Variants in CFAP20DC observed in about 807,000 individuals in gnomAD.
CFAP20DC encodes CFAP20 domain containing.
A neutral mutation model predicts 101.7 loss-of-function variants in CFAP20DC; 84 were observed. That is an observed-to-expected ratio of 0.83 (90% CI 0.69 to 0.99). The LOEUF is 0.99. Ranked by LOEUF, CFAP20DC falls within the 50% of genes least tolerant of loss-of-function variation. The pLI is 0.00. For synonymous variants in CFAP20DC, 359 were observed against 351.2 expected, an observed-to-expected ratio of 1.02 and a Z score of -0.25; for missense variants, 1,007 against 970.3, an observed-to-expected ratio of 1.04 and a Z score of -0.50.
chr3:58,921,161 C>T (rs1168740185), intron 5 of CFAP20DC, among the ~76,000 whole-genome samples: 1 of 151,900 alleles, frequency 6.6e-6, no homozygotes, highest in African/African-American at 2.4e-5. Flanking sequence ...ATTAGTCTAG[C>T]TAGTGATTTA....
chr3:58,884,366 C>G (rs2081446260), intron 7 of CFAP20DC, among the ~76,000 whole-genome samples, 179 bp downstream of exon 7: 1 of 152,160 alleles, frequency 6.6e-6, no homozygotes. Flanking sequence ...TTTATGTTAT[C>G]CTCCTGGCCT....
chr3:58,758,092 T>G (rs1045887508), intron 15 of CFAP20DC, among the ~76,000 whole-genome samples: 1 of 152,148 alleles, frequency 6.6e-6, no homozygotes, highest in Non-Finnish European at 1.5e-5. Flanking sequence ...AGAACACACC[T>G]TGGGAAATGA....
At chr3:58,975,631 G>T (rs189054978) in intron 4 of CFAP20DC, among the ~76,000 whole-genome samples, 76 of 152,284 alleles carry the variant, frequency 5.0e-4, no homozygotes, top group African/African-American at 1.8e-3. Context: ...CTTAAAAGGA[G>T]AATGTCTATT....
rs369534957 is a variant in CFAP20DC, at chr3:58,937,652, T to G, written c.389A>C (p.Lys130Thr). The G allele has an allele frequency of 5.7e-6, 9 of 1,577,460 alleles. No homozygotes were observed. The highest frequency in any genetic ancestry group is 2.2e-5 in the East Asian group (1 of 44,648). The change falls in exon 5 of 17, where the codon AAA becomes ACA. Residue 130 changes from lysine to threonine, a missense_variant. By Grantham distance (78) the Lys-to-Thr change is moderately conservative (BLOSUM62 -1). Transcript: ENST00000482387. ...AKIPLFMIKRKIWCNLCIDLV... is the reference protein window; with the variant it reads ...AKIPLFMIKRTIWCNLCIDLV... ...CAACATTCATGTGATACTTACAATT[T>G]TACGTTTGATCATGAAGAGTGGAAT...
At chr3:59,049,257 T>C (rs1416023252) in intron 1 of CFAP20DC, among the ~76,000 whole-genome samples, 2 of 152,262 alleles carry the variant, frequency 1.3e-5, no homozygotes, top group Admixed American at 6.5e-5. Context: ...GCATGAATAC[T>C]GAGTCTCCAA....
rs78280439 is a variant in CFAP20DC, at chr3:58,765,140, T to C, written c.2238-11277A>G. Among the ~76,000 whole-genome samples, 1,507 of 152,176 alleles carry C rather than the reference T, an allele frequency of 9.9e-3. 24 individuals carry two copies. Among genetic ancestry groups the C allele is most frequent in the African/African-American group, 0.035 (1,456 of 41,500 alleles). On this transcript the variant is annotated intron_variant, in intron 15 of 16. Transcript: ENST00000482387. ...CAGTTACCTATAGAACTGAAGACAA[T>C]GTCCTCAGTTAAGACAGACTATGGC...
rs564962291 is a variant in CFAP20DC, at chr3:59,038,050, C to G, written c.278+1507G>C. Among the ~76,000 whole-genome samples, 6 of 152,220 alleles carry G rather than the reference C, an allele frequency of 3.9e-5. No homozygotes were observed. In the South Asian group the frequency reaches 1.0e-3, roughly 26 times the overall value. On this transcript the variant is annotated intron_variant, in intron 4 of 16. Transcript: ENST00000482387. ...AACAGAAAGCGAAACACCACATGTT[C>G]TCACTCATAAGTAAGAGGTGAACAA... is the stretch of plus-strand genomic sequence containing the variant.
intron 6 of CFAP20DC, among the ~76,000 whole-genome samples, chr3:58,903,243 G>A (rs1167534277): frequency 6.6e-6 from 1 of 152,102 alleles, no homozygotes; most frequent in Non-Finnish European, 1.5e-5. Flanking sequence ...AGGTCATGAA[G>A]ATTTACCTTT....
rs1234549252 is a variant in CFAP20DC at position 59,039,587 on chromosome 3, G to T, written c.248C>A (p.Pro83His). Reference sequence around the variant, plus strand: ...TTCAGTGGAGAAGTCTTGTCCCAGGGGTACGTAAATCTGAAGTACAAGAAA... The same window carrying T: ...TTCAGTGGAGAAGTCTTGTCCCAGGTGTACGTAAATCTGAAGTACAAGAAA... ...QRFLVLQIYV[P>H]LGQDFSTELL... Residue 83 changes from proline to histidine, a missense_variant, in exon 4 of 17, where the codon CCC becomes CAC. Coordinates refer to ENST00000482387, the MANE Select transcript of CFAP20DC (RefSeq NM_001394063.1). 1 of 1,525,922 alleles carries T rather than the reference G, an allele frequency of 6.6e-7. No homozygotes were observed. The highest frequency in any genetic ancestry group is 1.4e-5 in the African/African-American group (1 of 72,398). 94.5% of individuals were successfully genotyped at this position (1,525,922 alleles called of 1,614,324 possible).
chr3:58,759,206 CCT>C (rs1452716156), intron 15 of CFAP20DC, among the ~76,000 whole-genome samples: 2 of 152,050 alleles, frequency 1.3e-5, no homozygotes, highest in Non-Finnish European at 2.9e-5. Context: ...CCTGTTGTTT[CCT>C]GACTTTTTAA....
Position 58,912,295 on chromosome 3 carries a change from T to C in CFAP20DC, c.550+1413A>G, listed in dbSNP as rs1278059361. On this transcript the variant is annotated intron_variant, in intron 6 of 16. Coordinates refer to ENST00000482387, the MANE Select transcript of CFAP20DC (RefSeq NM_001394063.1). The surrounding 1 kb of genome is among the most constrained non-coding windows in gnomAD (Gnocchi z 4.4). Reference sequence around the variant, plus strand: ...TACACTGCACAAATATTTCTATAAATTTTGAGGCTTCTTATTAGCTGGGTG... The same window carrying C: ...TACACTGCACAAATATTTCTATAAACTTTGAGGCTTCTTATTAGCTGGGTG... 1.3e-5 allele frequency among the ~76,000 whole-genome samples: 2 copies of C among 152,170 alleles called. No individual in the cohort carries two copies. The highest frequency in any genetic ancestry group is 4.8e-5 in the African/African-American group (2 of 41,442).
At chr3:58,819,008 C>T (rs1185960714) in intron 14 of CFAP20DC, among the ~76,000 whole-genome samples, 3 of 151,146 alleles carry the variant, frequency 2.0e-5, no homozygotes, top group African/African-American at 4.9e-5. Flanking sequence ...CGCTCAACTA[C>T]GTGGAAACTG....
intron 13 of CFAP20DC, among the ~76,000 whole-genome samples, chr3:58,845,555 T>G (rs955481906): frequency 1.6e-4 from 25 of 151,888 alleles, no homozygotes; most frequent in Non-Finnish European, 4.4e-5. Context: ...CAGGACCAGA[T>G]GGATTCACAG....
chr3:58,966,534 ATT>A (rs57954252), intron 4 of CFAP20DC, among the ~76,000 whole-genome samples: 1 of 147,930 alleles, frequency 6.8e-6, no homozygotes, highest in African/African-American at 2.5e-5. Context: ...ATATATATAT[ATT>A]TTTTTTAGAC....
chr3:58,996,002 C>CTATT (rs1017686827), intron 4 of CFAP20DC, among the ~76,000 whole-genome samples: 4 of 151,914 alleles, frequency 2.6e-5, no homozygotes, highest in African/African-American at 9.7e-5. Flanking sequence ...ATCTATCTAT[C>CTATT]TATCTATCTA....
Position 58,863,461 on chromosome 3 carries a change from G to A in CFAP20DC, c.1593+97C>T. The A allele has an allele frequency of 6.6e-7, 1 of 1,520,294 alleles. No homozygotes were observed. The highest frequency in any genetic ancestry group is 8.8e-7 in the Non-Finnish European group (1 of 1,135,648). The allele number at this position is 1,520,294 out of a possible 1,614,324, so 94.2% of individuals were successfully genotyped here. ...ATCTGTTGCATTTTTATAAATAGCAGTTGATTTTCCCTCTTTCATTTCAAC... is the reference window on the plus strand; with the variant it reads ...ATCTGTTGCATTTTTATAAATAGCAATTGATTTTCCCTCTTTCATTTCAAC... On this transcript the variant is annotated intron_variant, in intron 12 of 16. Coordinates refer to ENST00000482387, the MANE Select transcript of CFAP20DC (RefSeq NM_001394063.1). The surrounding 1 kb of genome is among the most constrained non-coding windows in gnomAD (Gnocchi z 5.9).
At chr3:58,748,396 G>C (rs1379876906) in intron 16 of CFAP20DC, among the ~76,000 whole-genome samples, 1 of 152,140 alleles carries the variant, frequency 6.6e-6, no homozygotes, top group Non-Finnish European at 1.5e-5. Context: ...TGGAATAGGA[G>C]AAAGAGCCTC....
At chr3:58,812,543 TG>T (rs1162256019) in intron 14 of CFAP20DC, among the ~76,000 whole-genome samples, 3 of 146,804 alleles carry the variant, frequency 2.0e-5, no homozygotes, top group African/African-American at 7.7e-5. Context: ...CATCACAGTC[TG>T]GGGACTGTTG....
At chr3:58,984,206 T>C (rs915911059) in intron 4 of CFAP20DC, among the ~76,000 whole-genome samples, 30 of 152,224 alleles carry the variant, frequency 2.0e-4, no homozygotes, top group African/African-American at 6.5e-4. Flanking sequence ...ACCTTTCTTT[T>C]GAAGTGCCCA....
Sources: gnomAD v4.1 joint callset for allele counts (sites outside exome capture counted in the v4.1 genomes callset) on GRCh38, gnomAD v4.1.1 for gene constraint, Gnocchi (gnomAD v3.1) non-coding constraint, MANE v1.5 for transcripts, NCBI Gene and HGNC (gene_info 2026-07-23, HGNC 2026-07-21) for gene names.